C1orf198: variants seen among roughly 807,000 people sequenced by gnomAD.
C1orf198 encodes chromosome 1 open reading frame 198, also known as uncharacterized protein C1orf198.
Under a neutral mutation model 31.4 loss-of-function variants are expected in C1orf198, and 17 were observed. The observed-to-expected ratio is 0.54, with a 90% CI of 0.37 to 0.81. The LOEUF (loss-of-function observed/expected upper bound fraction) is 0.81, where lower values mean the gene tolerates loss of function less well. C1orf198 is among the 40% of genes least tolerant of loss of function. The pLI, the probability that C1orf198 is intolerant of heterozygous loss-of-function variation, is 0.00. For synonymous variants in C1orf198, 175 were observed against 193.8 expected (o/e 0.90, Z 0.81); for missense variants, 401 against 450.3 (o/e 0.89, Z 0.99).
intron 1 of C1orf198, among the ~76,000 whole-genome samples, chr1:230,858,174 A>G (rs528615359): frequency 2.6e-4 from 40 of 152,224 alleles, no homozygotes; most frequent in Non-Finnish European, 5.1e-4. Flanking sequence ...GCCAGCCTTC[A>G]GCTCTAGGGG....
intron 2 of C1orf198, among the ~76,000 whole-genome samples, chr1:230,849,238 T>A (rs1471746770): frequency 6.6e-6 from 1 of 152,074 alleles, no homozygotes; most frequent in African/African-American, 2.4e-5. Flanking sequence ...AGAAAGGAGG[T>A]CATGCCAGCC....
chr1:230,867,828 A>G (rs1670155886), intron 1 of C1orf198, among the ~76,000 whole-genome samples: 1 of 152,232 alleles, frequency 6.6e-6, no homozygotes, highest in Admixed American at 6.5e-5. Context: ...GCAGAGCTGG[A>G]TTAAAACCCA....
In C1orf198 at chr1:230,840,150, G is replaced by C. The variant is rs1399792413; in HGVS notation, c.928-242C>G. On this transcript the variant is annotated intron_variant, in intron 3 of 3. Transcript: ENST00000366663. This position sits in a 1 kb window ranked among gnomAD's most constrained non-coding sequence, Gnocchi z 4.0. ...TCAACCCCAGGCATGTCTGTGAGCA[G>C]CTTACAGACCTTACAGAGAAAAGAA... is the stretch of plus-strand genomic sequence containing the variant. Among the ~76,000 whole-genome samples the C allele has an allele frequency of 6.6e-6, 1 of 152,146 alleles. No homozygotes were observed. Among genetic ancestry groups the C allele is most frequent in the Non-Finnish European group, 1.5e-5 (1 of 68,030 alleles).
intron 3 of C1orf198, among the ~76,000 whole-genome samples, chr1:230,842,108 G>T (rs922964684): frequency 2.0e-5 from 3 of 152,184 alleles, no homozygotes; most frequent in African/African-American, 7.2e-5. Flanking sequence ...AAGTGGAATG[G>T]TGGTTGCCAG....
intron 1 of C1orf198, among the ~76,000 whole-genome samples, chr1:230,861,527 A>G (rs1464192715): frequency 6.6e-6 from 1 of 152,222 alleles, no homozygotes; most frequent in Non-Finnish European, 1.5e-5. Context: ...GTGCCCAGAT[A>G]TGCATCCCGT....
chr1:230,837,550 T>C lies in C1orf198; in HGVS notation c.*2302A>G, dbSNP rs1444114511. The C allele has an allele frequency of 1.3e-5, 2 of 152,184 alleles. No homozygotes were observed. Among genetic ancestry groups the C allele is most frequent in the East Asian group, 3.8e-4 (2 of 5,196 alleles). 9.4% of individuals were successfully genotyped at this position (152,184 alleles called of 1,614,324 possible). On this transcript the variant is annotated 3_prime_UTR_variant, in exon 4 of 4. Transcript: ENST00000366663. ...CCTGGTTTGAGAAACTCCCTCATGA[T>C]GAATGGGAGGAAAATCATGGCAAAT... is the stretch of plus-strand genomic sequence containing the variant.
chr1:230,855,842 C>A, intron 1 of C1orf198, 124 bp from the exon 2 acceptor site: 1 of 1,497,170 alleles, frequency 6.7e-7, no homozygotes, highest in Non-Finnish European at 8.9e-7. Context: ...TCTAAACAAG[C>A]CTGATGCTTT....
At chr1:230,864,899 G>A (rs1332399892) in intron 1 of C1orf198, among the ~76,000 whole-genome samples, 2 of 152,166 alleles carry the variant, frequency 1.3e-5, no homozygotes, top group Non-Finnish European at 2.9e-5. Flanking sequence ...CAGATAACAG[G>A]AAACAGCAGA....
At chr1:230,846,603 G>C (rs1414427281) in intron 2 of C1orf198, among the ~76,000 whole-genome samples, 1 of 152,218 alleles carries the variant, frequency 6.6e-6, no homozygotes, top group Non-Finnish European at 1.5e-5. Context: ...ATGAGATCAC[G>C]AGGCCATGAA....
intron 1 of C1orf198, among the ~76,000 whole-genome samples, chr1:230,859,697 C>A (rs559757427): frequency 6.6e-6 from 1 of 152,128 alleles, no homozygotes; most frequent in Non-Finnish European, 1.5e-5. Flanking sequence ...CCCCACGCAG[C>A]TCCAAGGACT....
At chr1:230,862,705 GGGGGGAT>G (rs1670028726) in intron 1 of C1orf198, among the ~76,000 whole-genome samples, 1 of 152,170 alleles carries the variant, frequency 6.6e-6, no homozygotes, top group Admixed American at 6.5e-5. Flanking sequence ...GCCAGGGGTT[GGGGGGAT>G]GGAAGGATAA....
chr1:230,853,353 G>A (rs1466754007), intron 2 of C1orf198, among the ~76,000 whole-genome samples: 1 of 152,052 alleles, frequency 6.6e-6, no homozygotes, highest in Non-Finnish European at 1.5e-5. Context: ...CTTCACTAAA[G>A]CCACCTCCTG....
chr1:230,845,909 G>C (rs1669578214), intron 2 of C1orf198, among the ~76,000 whole-genome samples: 1 of 152,076 alleles, frequency 6.6e-6, no homozygotes, highest in African/African-American at 2.4e-5. Flanking sequence ...GTGATTTGGG[G>C]TATTGCTTTT....
At chr1:230,842,933 T>C (rs1017678477) in intron 3 of C1orf198, among the ~76,000 whole-genome samples, 4 of 152,148 alleles carry the variant, frequency 2.6e-5, no homozygotes, top group African/African-American at 9.6e-5. Context: ...CTGCCTGCTT[T>C]GCCAACAGGC....
chr1:230,868,726 G>A, upstream of C1orf198: 1 of 62,012 alleles, frequency 1.6e-5, no homozygotes, highest in Non-Finnish European at 2.4e-5. Context: ...GCCCCCCCCC[G>A]CCACCCCCTC....
intron 1 of C1orf198, chr1:230,856,104 A>T: frequency 3.5e-6 from 2 of 569,330 alleles, no homozygotes; most frequent in Non-Finnish European, 4.5e-6. Context: ...AGCCTTTTTG[A>T]GCCTCAGTTT....
intron 1 of C1orf198, among the ~76,000 whole-genome samples, chr1:230,866,826 T>TA (rs1469927814): frequency 6.6e-6 from 1 of 152,228 alleles, no homozygotes; most frequent in Non-Finnish European, 1.5e-5. Flanking sequence ...GAATACATTT[T>TA]AAAACCTATA....
At chr1:230,860,355 T>C (rs1669978998) in intron 1 of C1orf198, among the ~76,000 whole-genome samples, 1 of 152,188 alleles carries the variant, frequency 6.6e-6, no homozygotes, top group African/African-American at 2.4e-5. Context: ...ATTTCATTCC[T>C]AGGTATACAC....
chr1:230,845,684 A>G (rs1669569442), intron 2 of C1orf198, among the ~76,000 whole-genome samples: 1 of 148,652 alleles, frequency 6.7e-6, no homozygotes, highest in South Asian at 2.1e-4. Context: ...ACTCCATTTC[A>G]AAAAATAAAA....
Sources: gnomAD v4.1 joint callset for allele counts (sites outside exome capture counted in the v4.1 genomes callset) on GRCh38, gnomAD v4.1.1 for gene constraint, Gnocchi (gnomAD v3.1) non-coding constraint, MANE v1.5 for transcripts, NCBI Gene and HGNC (gene_info 2026-07-23, HGNC 2026-07-21) for gene names.